TMEM232: variants seen among roughly 807,000 people sequenced by gnomAD.
The protein encoded by TMEM232 is transmembrane protein 232.
TMEM232 carries 80 observed loss-of-function variants against 78.8 expected under a neutral mutation model. That is an observed-to-expected ratio of 1.01 (90% CI 0.85 to 1.22). The LOEUF (loss-of-function observed/expected upper bound fraction) is 1.22. Among genes scored for constraint, TMEM232 ranks in the 50% most tolerant of loss-of-function variants. The pLI, the probability that TMEM232 is intolerant of heterozygous loss-of-function variation, is 0.00. For synonymous variants in TMEM232, 297 were observed against 254.3 expected (o/e 1.17, Z -1.60); for missense variants, 881 against 742.2 (o/e 1.19, Z -2.17).
intron 12 of TMEM232, among the ~76,000 whole-genome samples, chr5:110,488,709 T>A (rs1216674094): frequency 6.6e-6 from 1 of 151,844 alleles, no homozygotes; most frequent in East Asian, 1.9e-4. Flanking sequence ...GAAATAAGCT[T>A]AGAGTGGAGA....
intron 12 of TMEM232, among the ~76,000 whole-genome samples, chr5:110,480,573 T>C (rs1441323243): frequency 6.6e-6 from 1 of 152,104 alleles, no homozygotes; most frequent in Non-Finnish European, 1.5e-5. Flanking sequence ...AAGTTCATGG[T>C]GCACTTCTTG....
intron 1 of TMEM232, among the ~76,000 whole-genome samples, chr5:110,713,365 A>G (rs993144357): frequency 6.6e-6 from 1 of 152,146 alleles, no homozygotes; most frequent in African/African-American, 2.4e-5. Flanking sequence ...ATAGTCAATA[A>G]TAATTTAATT....
intron 1 of TMEM232, among the ~76,000 whole-genome samples, chr5:110,698,572 A>C (rs1795074471): frequency 6.6e-6 from 1 of 152,104 alleles, no homozygotes; most frequent in South Asian, 2.1e-4. Context: ...AGTTCTTGGT[A>C]CCAGCACAAA....
chr5:110,713,129 G>A (rs992367994), intron 1 of TMEM232, among the ~76,000 whole-genome samples: 1 of 150,598 alleles, frequency 6.6e-6, no homozygotes, highest in African/African-American at 2.4e-5. Context: ...ATTATGTTAA[G>A]AGAAAAAAAA....
In TMEM232 at chr5:110,620,575, A is replaced by ATATCTCTC. The variant is rs1186941499; in HGVS notation, c.769-2021_769-2014dup. On this transcript the variant is annotated intron_variant, in intron 7 of 13. Coordinates refer to ENST00000455884, the MANE Select transcript of TMEM232 (RefSeq NM_001039763.4). ...CATAGTTCCTTGTGGTATGTCTCTC[A>ATATCTCTC]TATCTCTCTCTCTCTCTCTCTCTCT... Among the ~76,000 whole-genome samples, 80 of 65,184 alleles carry ATATCTCTC rather than the reference A, an allele frequency of 1.2e-3. 5 individuals carry two copies. The highest frequency in any genetic ancestry group is 4.6e-3 in the African/African-American group (74 of 16,208). The allele number at this position is 65,184 out of a possible 152,430, so 42.8% of individuals were successfully genotyped here. A position where few individuals can be genotyped will look rare whatever the true frequency, so the allele number is the denominator to read the frequency against.
intron 12 of TMEM232, among the ~76,000 whole-genome samples, chr5:110,521,559 C>T (rs879610611): frequency 7.2e-5 from 11 of 152,148 alleles, no homozygotes; most frequent in Non-Finnish European, 2.9e-5. Flanking sequence ...TCCTCCTTTG[C>T]TGCTTTCTAG....
At chr5:110,726,912 A>C (rs896844606), upstream of TMEM232, 1 of 152,222 alleles carries the variant, frequency 6.6e-6, no homozygotes, top group African/African-American at 2.4e-5. Flanking sequence ...AGCCACGGCA[A>C]GAAGCGGCTT....
At chr5:110,407,084 C>T (rs1755819257) in intron 2 of TMEM232, among the ~76,000 whole-genome samples, 1 of 152,086 alleles carries the variant, frequency 6.6e-6, no homozygotes, top group South Asian at 2.1e-4. Flanking sequence ...AGAGGAAAGT[C>T]TCAAAACCAT....
At chr5:110,536,468 C>G (rs912220783) in intron 11 of TMEM232, among the ~76,000 whole-genome samples, 1 of 152,174 alleles carries the variant, frequency 6.6e-6, no homozygotes, top group Non-Finnish European at 1.5e-5. Flanking sequence ...CTGATCTCTA[C>G]GTGTGACACA....
At chr5:110,425,617 T>C (rs573871264) in intron 12 of TMEM232, among the ~76,000 whole-genome samples, 1 of 152,190 alleles carries the variant, frequency 6.6e-6, no homozygotes, top group South Asian at 2.1e-4. Context: ...CAGTGTACTC[T>C]ACATTCTTGA....
intron 2 of TMEM232, among the ~76,000 whole-genome samples, chr5:110,732,400 C>A (rs1798768900): frequency 6.6e-6 from 1 of 152,126 alleles, no homozygotes; most frequent in Admixed American, 6.5e-5. Flanking sequence ...CATTTTCATG[C>A]TGCTGATAAA....
At chr5:110,404,040 C>T (rs1467603568) in intron 2 of TMEM232, among the ~76,000 whole-genome samples, 1 of 151,784 alleles carries the variant, frequency 6.6e-6, no homozygotes, top group African/African-American at 2.4e-5. Context: ...ACAGTCTTAC[C>T]TTTCTCTCTT....
intron 12 of TMEM232, among the ~76,000 whole-genome samples, chr5:110,494,540 T>C (rs1014151832): frequency 1.6e-4 from 24 of 151,936 alleles, no homozygotes; most frequent in African/African-American, 3.9e-4. Context: ...GGGAGGGAAA[T>C]AGCATTACCT....
At chr5:110,446,288 C>A (rs1323310914) in intron 12 of TMEM232, among the ~76,000 whole-genome samples, 1 of 152,158 alleles carries the variant, frequency 6.6e-6, no homozygotes, top group Non-Finnish European at 1.5e-5. Flanking sequence ...TCATTCAGTA[C>A]AACATACTTG....
intron 12 of TMEM232, among the ~76,000 whole-genome samples, chr5:110,523,287 C>T (rs1769826713): frequency 6.6e-6 from 1 of 152,020 alleles, no homozygotes; most frequent in Admixed American, 6.6e-5. Context: ...CATCTTCTCT[C>T]CCTTTTCTTA....
chr5:110,428,107 C>G (rs1757439805), intron 12 of TMEM232, among the ~76,000 whole-genome samples: 1 of 151,508 alleles, frequency 6.6e-6, no homozygotes, highest in Non-Finnish European at 1.5e-5. Flanking sequence ...TTTTTTGTAC[C>G]CATTAACCAT....
chr5:110,465,466 C>T (rs1219171009), intron 12 of TMEM232, among the ~76,000 whole-genome samples: 1 of 152,176 alleles, frequency 6.6e-6, no homozygotes, highest in Admixed American at 6.5e-5. Flanking sequence ...GGTCAGGTTT[C>T]ATTATATGGG....
At chr5:110,652,461 C>T (rs115872621) in intron 2 of TMEM232, among the ~76,000 whole-genome samples, 1,784 of 152,228 alleles carry the variant, frequency 0.012, 44 homozygotes, top group African/African-American at 0.04. Flanking sequence ...AAAATAATAT[C>T]TAATTCAATT....
intron 11 of TMEM232, among the ~76,000 whole-genome samples, chr5:110,546,849 G>C (rs191606080): frequency 3.0e-4 from 46 of 152,052 alleles, no homozygotes; most frequent in Non-Finnish European, 6.2e-4. Flanking sequence ...GTTGGTTTAA[G>C]GGATTTCGGG....
Sources: allele counts gnomAD v4.1 joint callset (sites outside exome capture counted in the v4.1 genomes callset), GRCh38; gene constraint gnomAD v4.1.1; transcripts MANE v1.5; gene names NCBI Gene and HGNC (gene_info 2026-07-23, HGNC 2026-07-21).